Variants in SLC2A13 observed in about 807,000 individuals in gnomAD.
SLC2A13 encodes the protein solute carrier family 2 member 13, also known as proton myo-inositol cotransporter.
Under a neutral mutation model 64.4 loss-of-function variants are expected in SLC2A13, and 32 were observed. That is an observed-to-expected ratio of 0.50 (90% CI 0.37 to 0.67). The LOEUF (loss-of-function observed/expected upper bound fraction) is 0.67. Among genes scored for constraint, SLC2A13 ranks in the 30% least tolerant of loss-of-function variants. The probability of loss-of-function intolerance (pLI) is 0.00; values close to 1 mark genes in which losing one functional copy is unlikely to be tolerated. For synonymous variants in SLC2A13, 338 were observed against 327.1 expected (o/e 1.03, Z -0.36); for missense variants, 743 against 829.2 (o/e 0.90, Z 1.28).
intron 4 of SLC2A13, among the ~76,000 whole-genome samples, chr12:39,885,465 C>T (rs1217655596): frequency 6.6e-6 from 1 of 152,014 alleles, no homozygotes; most frequent in Admixed American, 6.6e-5. Context: ...TTTCCTTGAT[C>T]CCCGCTTCTA....
intron 3 of SLC2A13, among the ~76,000 whole-genome samples, chr12:39,957,267 T>C (rs1397981878): frequency 6.6e-6 from 1 of 152,154 alleles, no homozygotes; most frequent in African/African-American, 2.4e-5. Context: ...AACTAGTAAG[T>C]GTTTAGAGAG....
chr12:39,786,740 T>C (rs2135753834), intron 7 of SLC2A13, among the ~76,000 whole-genome samples: 1 of 152,306 alleles, frequency 6.6e-6, no homozygotes, highest in Non-Finnish European at 1.5e-5. Flanking sequence ...GGTGGGTGAA[T>C]CATTCTCTGT....
chr12:40,090,725 T>C (rs1938739359), intron 1 of SLC2A13, among the ~76,000 whole-genome samples: 1 of 152,230 alleles, frequency 6.6e-6, no homozygotes, highest in African/African-American at 2.4e-5. Context: ...TGTGTTTCTT[T>C]TGCAACATTC....
At chr12:39,920,465 G>A (rs1945596010) in intron 4 of SLC2A13, among the ~76,000 whole-genome samples, 1 of 152,082 alleles carries the variant, frequency 6.6e-6, no homozygotes, top group Non-Finnish European at 1.5e-5. Flanking sequence ...AGGTACCATT[G>A]TACTTTTCAC....
rs539238017 is a variant in SLC2A13, at chr12:39,837,607, T to C, written c.1320-7379A>G. Among the ~76,000 whole-genome samples the C allele has an allele frequency of 9.5e-5, 14 of 147,724 alleles. No individual in the cohort carries two copies. In the South Asian group the frequency reaches 2.9e-3, roughly 30 times the overall value. The stretch of plus-strand genomic sequence containing the variant: ...ACCTACTCATCTGACAAAGGGCTAA[T>C]ATCCAGAATCTACAATGAACTCCAA... On this transcript the variant is annotated intron_variant, in intron 6 of 9. Transcript: ENST00000280871.
intron 1 of SLC2A13, among the ~76,000 whole-genome samples, chr12:40,086,107 G>A (rs1938580400): frequency 6.6e-6 from 1 of 152,170 alleles, no homozygotes; most frequent in South Asian, 2.1e-4. Flanking sequence ...AAAGTGCTGG[G>A]ATTACAGGTG....
chr12:39,847,661 T>C (rs947058714), intron 6 of SLC2A13, among the ~76,000 whole-genome samples: 2 of 152,028 alleles, frequency 1.3e-5, no homozygotes, highest in African/African-American at 4.8e-5. Context: ...TGTAGCACAT[T>C]GGTCCCCAAC....
intron 3 of SLC2A13, among the ~76,000 whole-genome samples, chr12:39,994,221 A>T (rs1306464668): frequency 6.6e-6 from 1 of 151,676 alleles, no homozygotes; most frequent in Non-Finnish European, 1.5e-5. Flanking sequence ...CATCTCTACT[A>T]AAAACACAAA....
In SLC2A13 at chr12:39,766,969, C is replaced by T. The variant is rs1940375200; in HGVS notation, c.1446-2111G>A. ...CCATAAAGGTTGGAACAACTTCTTG[C>T]AAACTTCCAAACTGTTCATTTGGTA... On this transcript the variant is annotated intron_variant, in intron 7 of 9. Transcript: ENST00000280871. Among the ~76,000 whole-genome samples, 3 of 152,098 alleles carry T rather than the reference C, an allele frequency of 2.0e-5. No homozygotes were observed. The South Asian group carries it at 6.2e-4, about 31-fold the overall frequency.
intron 7 of SLC2A13, among the ~76,000 whole-genome samples, chr12:39,820,926 C>CCACT (rs1413930723): frequency 6.6e-6 from 1 of 151,760 alleles, no homozygotes; most frequent in Non-Finnish European, 1.5e-5. Flanking sequence ...GAACCTAAAG[C>CCACT]CACTCACATT....
At chr12:39,920,661 T>G (rs1290060767) in intron 4 of SLC2A13, among the ~76,000 whole-genome samples, 1 of 152,054 alleles carries the variant, frequency 6.6e-6, no homozygotes, top group Non-Finnish European at 1.5e-5. Flanking sequence ...AATCACTAGC[T>G]CTAAGATCTC....
At chr12:39,847,851 G>C (rs1018266787) in intron 6 of SLC2A13, among the ~76,000 whole-genome samples, 1 of 152,032 alleles carries the variant, frequency 6.6e-6, no homozygotes, top group African/African-American at 2.4e-5. Flanking sequence ...TTCTGAAAAA[G>C]CAAGTCTACC....
intron 8 of SLC2A13, 46 bp from the exon 9 acceptor site, chr12:39,764,658 A>T: frequency 6.3e-7 from 1 of 1,581,974 alleles, no homozygotes; most frequent in South Asian, 1.2e-5. Flanking sequence ...GCATGTAAGA[A>T]ATTTGAAAAA....
intron 7 of SLC2A13, among the ~76,000 whole-genome samples, chr12:39,782,299 C>T (rs116760067): frequency 0.011 from 1,646 of 152,206 alleles, 25 homozygotes; most frequent in African/African-American, 0.036. Context: ...AGAATTCCTA[C>T]GTGTTGTGGA....
chr12:39,888,825 ACT>A (rs1273517730), intron 4 of SLC2A13, among the ~76,000 whole-genome samples: 1 of 152,112 alleles, frequency 6.6e-6, no homozygotes, highest in East Asian at 1.9e-4. Flanking sequence ...ATGCAACTTA[ACT>A]CTATATTGTG....
chr12:39,890,371 T>C (rs1435552919), intron 4 of SLC2A13, among the ~76,000 whole-genome samples: 1 of 152,186 alleles, frequency 6.6e-6, no homozygotes, highest in African/African-American at 2.4e-5. Flanking sequence ...AAGCTATCGG[T>C]GTCCTACTTC....
intron 7 of SLC2A13, among the ~76,000 whole-genome samples, chr12:39,768,316 C>T (rs1225889879): frequency 6.6e-6 from 1 of 152,098 alleles, no homozygotes; most frequent in Non-Finnish European, 1.5e-5. Context: ...TTCATATCGG[C>T]AATAAGGCTG....
At chr12:39,852,862 G>C (rs10747932) in intron 6 of SLC2A13, among the ~76,000 whole-genome samples, 73,475 of 151,906 alleles carry the variant, frequency 0.48, 18,331 homozygotes, top group East Asian at 0.74. Context: ...GTAGCCTTCC[G>C]AGACGAATTA....
intron 4 of SLC2A13, among the ~76,000 whole-genome samples, chr12:39,908,517 T>G (rs1281347532): frequency 6.6e-6 from 1 of 151,294 alleles, no homozygotes; most frequent in Non-Finnish European, 1.5e-5. Context: ...GCTGAAGCAA[T>G]AGATTGTGTT....
Sources: allele counts gnomAD v4.1 joint callset (sites outside exome capture counted in the v4.1 genomes callset), GRCh38; gene constraint gnomAD v4.1.1; transcripts MANE v1.5; gene names NCBI Gene and HGNC (gene_info 2026-07-23, HGNC 2026-07-21).